The following WEE1 variants were observed in gnomAD, a reference collection of about 807,000 sequenced individuals.
WEE1 encodes the protein WEE1 G2 checkpoint kinase, also known as wee1-like protein kinase.
A neutral mutation model predicts 68.8 loss-of-function variants in WEE1; 16 were observed. That is an observed-to-expected ratio of 0.23 (90% confidence interval 0.16 to 0.35). WEE1 has a LOEUF of 0.35. Ranked by LOEUF, WEE1 falls within the 10% of genes least tolerant of loss-of-function variation. The pLI is 1.00. For synonymous variants in WEE1, 349 were observed against 318.7 expected (o/e 1.09, Z -1.01); for missense variants, 651 against 824.1 (o/e 0.79, Z 2.57).
intron 1 of WEE1, chr11:9,575,617 A>G: frequency 2.4e-6 from 1 of 417,270 alleles, no homozygotes. Flanking sequence ...TTTAGCCACT[A>G]GAATGAACTT....
In WEE1 at chr11:9,583,798, CACACATATATATAT is replaced by C. The variant is rs1353389002; in HGVS notation, c.1289-1458_1289-1445del. Reference sequence around the variant, plus strand: ...ACACACACACACACACACACACACACACACATATATATATATATATATATATATATATATATATA... The same window carrying C: ...ACACACACACACACACACACACACACATATATATATATATATATATATATA... On this transcript the variant is annotated intron_variant, in intron 6 of 10. Transcript: ENST00000450114. Among the ~76,000 whole-genome samples the C allele has an allele frequency of 4.7e-3, 104 of 22,116 alleles. 1 individual carries two copies. Among genetic ancestry groups the C allele is most frequent in the African/African-American group, 0.015 (76 of 4,934 alleles). The allele number at this position is 22,116 out of a possible 152,430, so 14.5% of individuals were successfully genotyped here.
Position 9,578,361 on chromosome 11 carries a change from TC to T in WEE1, c.1141+1100del, listed in dbSNP as rs577052747. 171 of 155,024 alleles carry T rather than the reference TC, an allele frequency of 1.1e-3. 1 individual carries two copies. The highest frequency in any genetic ancestry group is 6.8e-3 in the Middle Eastern group (2 of 296). The allele number at this position is 155,024 out of a possible 1,614,324, so 9.6% of individuals were successfully genotyped here. A position where few individuals can be genotyped will look rare whatever the true frequency, so the allele number is the denominator to read the frequency against. The stretch of plus-strand genomic sequence containing the variant: ...CAGTGAACAAAACAGAAGTAAAAGA[TC>T]CATTTTTCAAACCTGATTCCTCATT... On this transcript the variant is annotated intron_variant, in intron 5 of 10. Coordinates refer to ENST00000450114, the MANE Select transcript of WEE1 (RefSeq NM_003390.4).
At chr11:9,579,973 AT>A (rs1439931824) in intron 5 of WEE1, 1 of 152,204 alleles carries the variant, frequency 6.6e-6, no homozygotes, top group Non-Finnish European at 1.5e-5. Flanking sequence ...ATTTAAAACA[AT>A]TCCTCATTGC....
Position 9,573,888 on chromosome 11 carries a change from C to G in WEE1, c.-46C>G, listed in dbSNP as rs923811282. The G allele has an allele frequency of 4.6e-5, 56 of 1,214,276 alleles. No homozygotes were observed. Among genetic ancestry groups the G allele is most frequent in the Non-Finnish European group, 5.6e-5 (55 of 974,578 alleles). The allele number at this position is 1,214,276 out of a possible 1,614,324, so 75.2% of individuals were successfully genotyped here. On this transcript the variant is annotated 5_prime_UTR_variant, in exon 1 of 11. Coordinates refer to ENST00000450114, the MANE Select transcript of WEE1 (RefSeq NM_003390.4). Reference sequence around the variant, plus strand: ...CCCAGGCCCGCAGTGTCCTGGACCCCGCAGGCCTCCGCTCTCCTGTCCTCG... The same window carrying G: ...CCCAGGCCCGCAGTGTCCTGGACCCGGCAGGCCTCCGCTCTCCTGTCCTCG...
At chr11:9,586,324 A>C (rs574331122) in intron 8 of WEE1, 125 bp from the exon 9 acceptor site, 3 of 816,146 alleles carry the variant, frequency 3.7e-6, no homozygotes, top group Non-Finnish European at 5.6e-6. Flanking sequence ...ATAGGTCCCA[A>C]ACTTAAATGT....
At chr11:9,583,796 CACACACATATATATAT>C (rs1238348913) in intron 6 of WEE1, among the ~76,000 whole-genome samples, 56 of 26,002 alleles carry the variant, frequency 2.2e-3, no homozygotes, top group African/African-American at 3.9e-3. Context: ...CACACACACA[CACACACATATATATAT>C]ATATATATAT....
chr11:9,582,303 A>G (rs892345456), intron 6 of WEE1, among the ~76,000 whole-genome samples: 3 of 152,214 alleles, frequency 2.0e-5, no homozygotes, highest in Non-Finnish European at 4.4e-5. Context: ...TTATCTTGCA[A>G]GCTATCCCTT....
intron 8 of WEE1, among the ~76,000 whole-genome samples, chr11:9,585,810 T>A (rs1318706151): frequency 2.6e-5 from 4 of 152,206 alleles, no homozygotes; most frequent in Non-Finnish European, 5.9e-5. Context: ...TTAAAAATCA[T>A]GTACCCATTG....
At chr11:9,582,505 C>G (rs1417070432) in intron 6 of WEE1, among the ~76,000 whole-genome samples, 1 of 152,148 alleles carries the variant, frequency 6.6e-6, no homozygotes, top group Non-Finnish European at 1.5e-5. Context: ...TTTTGTACAA[C>G]TTTATGAGTT....
chr11:9,587,270 C>T (rs1249875940), intron 10 of WEE1, among the ~76,000 whole-genome samples: 2 of 152,028 alleles, frequency 1.3e-5, no homozygotes, highest in African/African-American at 4.8e-5. Flanking sequence ...TCCAGTAGTT[C>T]GATATGTTGT....
rs1415218865 is a variant in WEE1 at position 9,574,612 on chromosome 11, C to G, written c.576+103C>G. 7 of 1,122,472 alleles carry G rather than the reference C, an allele frequency of 6.2e-6. No homozygotes were observed. The highest frequency in any genetic ancestry group is 7.6e-6 in the Non-Finnish European group (7 of 918,964). 69.5% of individuals were successfully genotyped at this position (1,122,472 alleles called of 1,614,324 possible). A position where few individuals can be genotyped will look rare whatever the true frequency, so the allele number is the denominator to read the frequency against. On this transcript the variant is annotated intron_variant, in intron 1 of 10. Coordinates refer to ENST00000450114, the MANE Select transcript of WEE1 (RefSeq NM_003390.4). This position sits in a 1 kb window ranked among gnomAD's most constrained non-coding sequence, Gnocchi z 4.9. ...TACAGAAGCGGCCGGCCGCTCCCCC[C>G]TCGCTTTCCTGCGCCGCCCCCCAAA... is the stretch of plus-strand genomic sequence containing the variant.
intron 6 of WEE1, among the ~76,000 whole-genome samples, chr11:9,583,755 GCGCGCGCACA>G (rs1314950270): frequency 9.1e-4 from 8 of 8,754 alleles, no homozygotes; most frequent in African/African-American, 2.8e-3. Flanking sequence ...GTGCGTGCAC[GCGCGCGCACA>G]CACACACACA....
chr11:9,584,783 TATATTCCCAGAGG>T (rs1268447174), intron 6 of WEE1, among the ~76,000 whole-genome samples: 21 of 152,044 alleles, frequency 1.4e-4, no homozygotes, highest in Non-Finnish European at 1.5e-5. Context: ...GGCTGGAAAA[TATATTCCCAGAGG>T]CCCAGAGTGG....
intron 5 of WEE1, chr11:9,578,154 T>C (rs1849584013): frequency 3.6e-6 from 1 of 276,594 alleles, no homozygotes; most frequent in Non-Finnish European, 7.1e-6. Context: ...GTAGTTTGTT[T>C]CTATTTCTGT....
chr11:9,583,448 C>T (rs1849651132), intron 6 of WEE1, among the ~76,000 whole-genome samples: 1 of 151,248 alleles, frequency 6.6e-6, no homozygotes, highest in Non-Finnish European at 1.5e-5. Context: ...AACCTCGTCT[C>T]TACTAAAATA....
intron 5 of WEE1, chr11:9,579,028 T>G (rs1399717744): frequency 6.6e-6 from 1 of 151,970 alleles, no homozygotes; most frequent in Non-Finnish European, 1.5e-5. Context: ...TGCCTCAGCC[T>G]TTTGAGTAGC....
intron 5 of WEE1, chr11:9,581,166 C>T (rs1849623448): frequency 5.3e-6 from 1 of 189,002 alleles, no homozygotes; most frequent in Non-Finnish European, 1.1e-5. Flanking sequence ...TGGGATCAAG[C>T]CTGTGAATAG....
Position 9,573,764 on chromosome 11 carries a change from A to G in WEE1, c.-170A>G, listed in dbSNP as rs1398228746. On this transcript the variant is annotated 5_prime_UTR_variant, in exon 1 of 11. Coordinates refer to ENST00000450114, the MANE Select transcript of WEE1 (RefSeq NM_003390.4). ...GAAAGTCCGCGCCGCCGCTGCCGCCACCGTCCGCAGCCCGAGCGCCCCGGA... is the reference window on the plus strand; with the variant it reads ...GAAAGTCCGCGCCGCCGCTGCCGCCGCCGTCCGCAGCCCGAGCGCCCCGGA... The G allele has an allele frequency of 2.9e-6, 1 of 347,182 alleles. No individual in the cohort carries two copies. The highest frequency in any genetic ancestry group is 4.4e-6 in the Non-Finnish European group (1 of 229,058). 21.5% of individuals were successfully genotyped at this position (347,182 alleles called of 1,614,324 possible).
At position 9,574,032 on chromosome 11, in the gene WEE1, TGAGGAGGAGGAAGAA is replaced by T; in HGVS notation, c.111_125del (p.Glu39_Glu43del). On this transcript the variant is annotated inframe_deletion, in exon 1 of 11. Coordinates refer to ENST00000450114, the MANE Select transcript of WEE1 (RefSeq NM_003390.4). The surrounding 1 kb of genome is among the most constrained non-coding windows in gnomAD (Gnocchi z 4.9). The stretch of plus-strand genomic sequence containing the variant: ...TGATCTTCTCGCCCTGCAGCGACTG[TGAGGAGGAGGAAGAA>T]GAGGAGGAGGAGGAGGGCAGCGGCC... 1.6e-6 allele frequency: 2 copies of T among 1,264,780 alleles called. No homozygotes were observed. The highest frequency in any genetic ancestry group is 2.0e-6 in the Non-Finnish European group (2 of 1,004,394). The allele number at this position is 1,264,780 out of a possible 1,614,324, so 78.3% of individuals were successfully genotyped here. A position where few individuals can be genotyped will look rare whatever the true frequency, so the allele number is the denominator to read the frequency against.
Sources: allele counts gnomAD v4.1 joint callset (sites outside exome capture counted in the v4.1 genomes callset), GRCh38; gene constraint gnomAD v4.1.1; non-coding constraint Gnocchi (gnomAD v3.1); transcripts MANE v1.5; gene names NCBI Gene and HGNC (gene_info 2026-07-23, HGNC 2026-07-21).